Variants in RUSC2 observed in about 807,000 individuals in gnomAD.
RUSC2 encodes the protein RUN and SH3 domain containing 2.
RUSC2 carries 34 observed loss-of-function variants against 122.2 expected under a neutral mutation model. That is an observed-to-expected ratio of 0.28 (90% confidence interval 0.21 to 0.37). The LOEUF (loss-of-function observed/expected upper bound fraction) is 0.37. RUSC2 is among the 10% of genes least tolerant of loss of function. The pLI is 1.00. For synonymous variants in RUSC2, 784 were observed against 790.0 expected (o/e 0.99, Z 0.13); for missense variants, 1,747 against 1,952.4 (o/e 0.89, Z 1.98).
In RUSC2 at chr9:35,547,044, G is replaced by A. The variant is rs768636767; in HGVS notation, c.523G>A (p.Glu175Lys). The A allele has an allele frequency of 6.2e-7, 1 of 1,611,216 alleles. No individual in the cohort carries two copies. The highest frequency in any genetic ancestry group is 2.2e-5 in the East Asian group (1 of 44,836). ...TGGAGTGGTGGAAGGGCAGGAACAG[G>A]AGCCAGTGATGACCTTGGATACTCA... The part of the protein sequence containing the change: ...RAGVVEGQEQ[E>K]PVMTLDTQQC... Residue 175 changes from glutamate (E) to lysine (K), a missense_variant, in exon 2 of 12, where the codon GAG becomes AAG. By Grantham distance (56) the Glu-to-Lys change is moderately conservative. Transcript: ENST00000361226. The surrounding 1 kb of genome is among the most constrained non-coding windows in gnomAD (Gnocchi z 4.6).
chr9:35,548,170 G>A lies in RUSC2; in HGVS notation c.1649G>A (p.Gly550Asp). The change falls in exon 2 of 12, where the codon GGC becomes GAC. Residue 550 changes from glycine (G) to aspartate (D), a missense_variant. Gly to Asp is a moderately conservative substitution (Grantham distance 94). Transcript: ENST00000361226. The surrounding 1 kb of genome is among the most constrained non-coding windows in gnomAD (Gnocchi z 4.5). ...RVTSFAELAK[G>D]RKKTGGSGSP... ...ACCTCCTTTGCCGAGCTGGCCAAGG[G>A]CCGGAAGAAAACTGGAGGCTCTGGC... 6.2e-7 allele frequency: 1 copy of A among 1,613,356 alleles called. No homozygotes were observed. The highest frequency in any genetic ancestry group is 8.5e-7 in the Non-Finnish European group (1 of 1,180,016).
chr9:35,550,805 G>A (rs751893098), intron 2 of RUSC2, among the ~76,000 whole-genome samples: 1 of 152,072 alleles, frequency 6.6e-6, no homozygotes, highest in Non-Finnish European at 1.5e-5. Context: ...GCCGGGCATG[G>A]TGGCTCATGC....
chr9:35,524,681 G>C (rs973340143), intron 1 of RUSC2, among the ~76,000 whole-genome samples: 1 of 151,960 alleles, frequency 6.6e-6, no homozygotes, highest in African/African-American at 2.4e-5. Flanking sequence ...CAAAAGTCTG[G>C]TGATCCCAGG....
chr9:35,498,319 A>T (rs1042417404), intron 1 of RUSC2, among the ~76,000 whole-genome samples: 1 of 152,108 alleles, frequency 6.6e-6, no homozygotes, highest in Non-Finnish European at 1.5e-5. Flanking sequence ...CAGGCAGATC[A>T]CGTGAGATCA....
chr9:35,502,800 A>G (rs539309975), intron 1 of RUSC2, among the ~76,000 whole-genome samples: 13 of 152,258 alleles, frequency 8.5e-5, no homozygotes, highest in African/African-American at 3.1e-4. Context: ...AAATTTTTCA[A>G]TAGTTTTTGG....
chr9:35,519,605 T>G (rs1276182415), intron 1 of RUSC2, among the ~76,000 whole-genome samples: 1 of 152,164 alleles, frequency 6.6e-6, no homozygotes, highest in Non-Finnish European at 1.5e-5. Context: ...AAAAGGAATG[T>G]GACCCTTCCA....
At chr9:35,535,692 C>T (rs1320715103) in intron 1 of RUSC2, among the ~76,000 whole-genome samples, 1 of 152,028 alleles carries the variant, frequency 6.6e-6, no homozygotes, top group African/African-American at 2.4e-5. Context: ...GCGTCCACCA[C>T]CACGCCCGGC....
In RUSC2 at chr9:35,546,581, G is replaced by A. The variant is rs558488073; in HGVS notation, c.60G>A (p.Val20=). 20 of 1,507,562 alleles carry A rather than the reference G, an allele frequency of 1.3e-5. 1 individual carries two copies. Among genetic ancestry groups the A allele is most frequent in the Non-Finnish European group, 1.7e-5 (19 of 1,129,824 alleles). The allele number at this position is 1,507,562 out of a possible 1,614,324, so 93.4% of individuals were successfully genotyped here. A position where few individuals can be genotyped will look rare whatever the true frequency, so the allele number is the denominator to read the frequency against. The stretch of plus-strand genomic sequence containing the variant: ...TCATCGTTCATCACATCCCCCTGGT[G>A]CACTGCCAAGTCCCAGACAGGCAGT... The part of the protein sequence containing the change: ...ETLIVHHIPL[V]HCQVPDRQCC... The change falls in exon 2 of 12, where the codon GTG becomes GTA. Residue 20 remains valine (V), a synonymous_variant. Coordinates refer to ENST00000361226, the MANE Select transcript of RUSC2 (RefSeq NM_014806.5). The surrounding 1 kb of genome is among the most constrained non-coding windows in gnomAD (Gnocchi z 4.3).
At chr9:35,559,696 C>T (rs1822100914) in intron 9 of RUSC2, among the ~76,000 whole-genome samples, 1 of 152,210 alleles carries the variant, frequency 6.6e-6, no homozygotes, top group Non-Finnish European at 1.5e-5. Context: ...GATCATGCCA[C>T]TGCACTCCAG....
Position 35,548,355 on chromosome 9 carries a change from G to A in RUSC2, c.1834G>A (p.Asp612Asn), listed in dbSNP as rs750638837. The change falls in exon 2 of 12, where the codon GAC (aspartate) becomes AAC (asparagine). Residue 612 changes from aspartate (D) to asparagine (N), a missense_variant. Asp to Asn is a conservative substitution (Grantham distance 23). Coordinates refer to ENST00000361226, the MANE Select transcript of RUSC2 (RefSeq NM_014806.5). This position sits in a 1 kb window ranked among gnomAD's most constrained non-coding sequence, Gnocchi z 4.5. Reference protein sequence around the residue: ...LGPGMDLLGPDPSPPWSTQVC... With the variant: ...LGPGMDLLGPNPSPPWSTQVC... The stretch of plus-strand genomic sequence containing the variant: ...GCCAGGCATGGACCTACTTGGCCCA[G>A]ACCCAAGTCCACCCTGGTCCACCCA... 1.9e-6 allele frequency: 3 copies of A among 1,614,038 alleles called. No homozygotes were observed. The South Asian group carries it at 3.3e-5, about 18-fold the overall frequency.
chr9:35,490,204 C>T (rs1820536573), intron 1 of RUSC2, 32 bp downstream of exon 1: 1 of 152,808 alleles, frequency 6.5e-6, no homozygotes, highest in Non-Finnish European at 1.5e-5. Context: ...CGGGCAGGGT[C>T]CCACAGACCC....
chr9:35,501,939 A>G (rs889863482), intron 1 of RUSC2, among the ~76,000 whole-genome samples: 1 of 152,200 alleles, frequency 6.6e-6, no homozygotes, highest in Admixed American at 6.5e-5. Context: ...TATGAAAACA[A>G]TAGTTGTTTT....
intron 1 of RUSC2, among the ~76,000 whole-genome samples, chr9:35,506,154 A>T (rs542365717): frequency 1.3e-5 from 2 of 152,228 alleles, no homozygotes; most frequent in Admixed American, 6.5e-5. Flanking sequence ...TACAAAATCA[A>T]TGGGGACGGG....
At chr9:35,495,011 C>T (rs867397987) in intron 1 of RUSC2, among the ~76,000 whole-genome samples, 2 of 24,070 alleles carry the variant, frequency 8.3e-5, no homozygotes, top group South Asian at 1.1e-3. Context: ...ATATATACTA[C>T]AGTATATATT....
chr9:35,509,182 C>G (rs1319396924), intron 1 of RUSC2, among the ~76,000 whole-genome samples: 1 of 152,112 alleles, frequency 6.6e-6, no homozygotes, highest in Admixed American at 6.5e-5. Context: ...TAAAAATTAG[C>G]CAAGTGTGAT....
intron 2 of RUSC2, chr9:35,549,006 T>C (rs938669837): frequency 2.1e-6 from 2 of 941,788 alleles, no homozygotes; most frequent in African/African-American, 3.6e-5. Context: ...CACTCCAGCC[T>C]GGGCAGACAG....
Position 35,557,603 on chromosome 9 carries a change from C to T in RUSC2, c.2984-311C>T, listed in dbSNP as rs1420152704. ...TTTCTTCAGGTCAGTGGCCCGGTTT[C>T]TCAGAGTGGAGAAAACCGATAGTTG... is the stretch of plus-strand genomic sequence containing the variant. On this transcript the variant is annotated intron_variant, in intron 5 of 11. Transcript: ENST00000361226. The surrounding 1 kb of genome is among the most constrained non-coding windows in gnomAD (Gnocchi z 4.6). Among the ~76,000 whole-genome samples, 1 of 152,144 alleles carries T rather than the reference C, an allele frequency of 6.6e-6. No individual in the cohort carries two copies. The highest frequency in any genetic ancestry group is 1.5e-5 in the Non-Finnish European group (1 of 68,038).
chr9:35,542,428 T>C lies in RUSC2; in HGVS notation c.-92-4002T>C, dbSNP rs1412829217. On this transcript the variant is annotated intron_variant, in intron 1 of 11. Transcript: ENST00000361226. ...ACAAACTCTATGATCAGTTGATCAA[T>C]TGATCAATTTAAATTTAATAAATTA... 5.3e-5 allele frequency among the ~76,000 whole-genome samples: 8 copies of C among 152,186 alleles called. No individual in the cohort carries two copies. The South Asian group carries it at 8.3e-4, about 16-fold the overall frequency.
At chr9:35,496,032 C>T (rs1587832791) in intron 1 of RUSC2, among the ~76,000 whole-genome samples, 1 of 152,160 alleles carries the variant, frequency 6.6e-6, no homozygotes, top group African/African-American at 2.4e-5. Context: ...AAGAAAATTA[C>T]ACCAAAGCAA....
Sources: allele counts gnomAD v4.1 joint callset (sites outside exome capture counted in the v4.1 genomes callset), GRCh38; gene constraint gnomAD v4.1.1; non-coding constraint Gnocchi (gnomAD v3.1); transcripts MANE v1.5; gene names NCBI Gene and HGNC (gene_info 2026-07-23, HGNC 2026-07-21).